VWC2: variants seen among roughly 807,000 people sequenced by gnomAD.
VWC2 encodes the protein von Willebrand factor C domain containing 2.
In VWC2, 14 loss-of-function variants were observed where a neutral mutation model predicts 29.8. That is an observed-to-expected ratio of 0.47 (90% CI 0.31 to 0.74). The LOEUF (loss-of-function observed/expected upper bound fraction) is 0.74. Ranked by LOEUF, VWC2 falls within the 30% of genes least tolerant of loss-of-function variation. The pLI, the probability that VWC2 is intolerant of heterozygous loss-of-function variation, is 0.05. For synonymous variants in VWC2, 213 were observed against 199.0 expected, an observed-to-expected ratio of 1.07 and a Z score of -0.59; for missense variants, 457 against 459.8, an observed-to-expected ratio of 0.99 and a Z score of 0.05.
At chr7:49,806,121 G>A (rs531629390) in intron 3 of VWC2, among the ~76,000 whole-genome samples, 2 of 149,894 alleles carry the variant, frequency 1.3e-5, no homozygotes, top group South Asian at 4.2e-4. Flanking sequence ...GATACAAACA[G>A]TGAGTGTTAT....
intron 3 of VWC2, among the ~76,000 whole-genome samples, chr7:49,863,423 T>C (rs973467149): frequency 5.3e-5 from 8 of 152,150 alleles, no homozygotes; most frequent in Non-Finnish European, 7.4e-5. Flanking sequence ...TGATTCTCTC[T>C]CCCTTTTTTT....
At chr7:49,779,964 G>A (rs1373997215) in intron 2 of VWC2, among the ~76,000 whole-genome samples, 1 of 152,200 alleles carries the variant, frequency 6.6e-6, no homozygotes, top group African/African-American at 2.4e-5. Flanking sequence ...CCTCGTTAAA[G>A]ACCTGTCTCC....
At chr7:49,904,440 T>C (rs1443742551) in intron 3 of VWC2, among the ~76,000 whole-genome samples, 2 of 152,190 alleles carry the variant, frequency 1.3e-5, no homozygotes, top group African/African-American at 4.8e-5. Flanking sequence ...AGTATGTTTT[T>C]AAAAAGAAAA....
chr7:49,819,421 A>G (rs1223781356), intron 3 of VWC2, among the ~76,000 whole-genome samples: 1 of 152,230 alleles, frequency 6.6e-6, no homozygotes, highest in African/African-American at 2.4e-5. Context: ...TGCATTCTCC[A>G]TGACCAAGTC....
At chr7:49,831,799 G>A (rs1045802993) in intron 3 of VWC2, among the ~76,000 whole-genome samples, 8 of 152,134 alleles carry the variant, frequency 5.3e-5, no homozygotes, top group Non-Finnish European at 8.8e-5. Flanking sequence ...TTATTCAGAA[G>A]GATTTTTACA....
At chr7:49,811,669 A>T (rs1337147443) in intron 3 of VWC2, among the ~76,000 whole-genome samples, 1 of 152,232 alleles carries the variant, frequency 6.6e-6, no homozygotes, top group Non-Finnish European at 1.5e-5. Flanking sequence ...GAAAGTACAG[A>T]TGTTGGCAAA....
chr7:49,805,158 A>G (rs1320159363), intron 3 of VWC2, among the ~76,000 whole-genome samples: 1 of 152,184 alleles, frequency 6.6e-6, no homozygotes, highest in Non-Finnish European at 1.5e-5. Flanking sequence ...ATACCCAGAG[A>G]TTCACAGTTT....
intron 2 of VWC2, among the ~76,000 whole-genome samples, chr7:49,793,195 G>A (rs1788504778): frequency 6.6e-6 from 1 of 152,146 alleles, no homozygotes; most frequent in Non-Finnish European, 1.5e-5. Flanking sequence ...CTTCATAAAT[G>A]ACCTTTGATA....
intron 2 of VWC2, among the ~76,000 whole-genome samples, chr7:49,797,314 T>C (rs1015163706): frequency 6.6e-6 from 1 of 152,190 alleles, no homozygotes; most frequent in Non-Finnish European, 1.5e-5. Context: ...ACTTGGAAAA[T>C]TGTTCTGGGG....
At chr7:49,842,588 A>C (rs1789823730) in intron 3 of VWC2, among the ~76,000 whole-genome samples, 1 of 152,210 alleles carries the variant, frequency 6.6e-6, no homozygotes. Context: ...TCACCCTATA[A>C]TCATGTGTCA....
intron 3 of VWC2, among the ~76,000 whole-genome samples, chr7:49,880,188 G>C (rs1017118116): frequency 2.6e-5 from 4 of 152,118 alleles, no homozygotes; most frequent in Admixed American, 6.6e-5. Flanking sequence ...TTTTATCAGT[G>C]TCTTTTTTAC....
At chr7:49,781,108 T>A (rs1166256599) in intron 2 of VWC2, among the ~76,000 whole-genome samples, 1 of 152,190 alleles carries the variant, frequency 6.6e-6, no homozygotes, top group Non-Finnish European at 1.5e-5. Flanking sequence ...GTAAAATGAG[T>A]CAATCTGTGT....
chr7:49,775,896 G>A lies in VWC2; in HGVS notation c.461G>A (p.Gly154Asp), dbSNP rs763565335. The change falls in exon 2 of 4, where the codon GGC (glycine) becomes GAC (aspartate). Residue 154 changes from glycine to aspartate, a missense_variant. Gly to Asp is a moderately conservative substitution (Grantham distance 94). Transcript: ENST00000340652. ...EYVYPDYRGK[G>D]CVDESGFVYA... ...GTGTACCCGGACTACCGTGGCAAGG[G>A]CTGCGTGGACGAGAGCGGCTTCGTG... The A allele has an allele frequency of 6.4e-7, 1 of 1,558,464 alleles. No homozygotes were observed. Among genetic ancestry groups the A allele is most frequent in the South Asian group, 1.2e-5 (1 of 84,866 alleles).
intron 2 of VWC2, among the ~76,000 whole-genome samples, chr7:49,779,900 T>G (rs10250530): frequency 0.082 from 12,454 of 152,266 alleles, 736 homozygotes; most frequent in Middle Eastern, 0.13. Flanking sequence ...TCTCCTCTTC[T>G]TATAAGGACA....
rs139010816 is a variant in VWC2 at position 49,876,179 on chromosome 7, C to A, written c.827-35855C>A. On this transcript the variant is annotated intron_variant, in intron 3 of 3. Coordinates refer to ENST00000340652, the MANE Select transcript of VWC2 (RefSeq NM_198570.5). ...TCTTGGCTGTATAAGAACTTGGTAA[C>A]CTTTAAGAGACACAGGTTGGGTAAA... Among the ~76,000 whole-genome samples the A allele has an allele frequency of 3.2e-3, 486 of 152,200 alleles. 6 individuals carry two copies. Among genetic ancestry groups the A allele is most frequent in the African/African-American group, 0.011 (449 of 41,516 alleles).
intron 2 of VWC2, among the ~76,000 whole-genome samples, chr7:49,783,480 T>C (rs1179206691): frequency 1.3e-5 from 2 of 152,198 alleles, no homozygotes; most frequent in African/African-American, 4.8e-5. Flanking sequence ...ATGAAGGATA[T>C]GGCTTCCCAC....
At chr7:49,824,451 C>G (rs991861216) in intron 3 of VWC2, among the ~76,000 whole-genome samples, 13 of 152,178 alleles carry the variant, frequency 8.5e-5, no homozygotes, top group Non-Finnish European at 1.9e-4. Flanking sequence ...AATCCTTATG[C>G]CAATGTCAGA....
At chr7:49,911,319 TA>T (rs1187160462) in intron 3 of VWC2, among the ~76,000 whole-genome samples, 1 of 150,748 alleles carries the variant, frequency 6.6e-6, no homozygotes, top group Non-Finnish European at 1.5e-5. Context: ...CAATCTCTAC[TA>T]AAAATACAAA....
chr7:49,808,758 T>A (rs1017146721), intron 3 of VWC2, among the ~76,000 whole-genome samples: 1 of 152,020 alleles, frequency 6.6e-6, no homozygotes, highest in African/African-American at 2.4e-5. Context: ...TATTTGGAAA[T>A]TAAACAGCAC....
Sources: allele counts gnomAD v4.1 joint callset (sites outside exome capture counted in the v4.1 genomes callset), GRCh38; gene constraint gnomAD v4.1.1; transcripts MANE v1.5; gene names NCBI Gene and HGNC (gene_info 2026-07-23, HGNC 2026-07-21).